Variants in RIPOR2 observed in about 807,000 individuals in gnomAD.
The protein encoded by RIPOR2 is rho family-interacting cell polarization regulator 2.
Under a neutral mutation model 114.5 loss-of-function variants are expected in RIPOR2, and 39 were observed. The observed-to-expected ratio is 0.34, with a 90% CI of 0.26 to 0.44. RIPOR2 has a LOEUF of 0.44. Ranked by LOEUF, RIPOR2 falls within the 20% of genes least tolerant of loss-of-function variation. The pLI is 1.00. For synonymous variants in RIPOR2, 445 were observed against 484.4 expected (o/e 0.92, Z 1.07); for missense variants, 1,007 against 1,255.1 (o/e 0.80, Z 2.99).
chr6:24,892,697 G>A (rs1426374542), intron 1 of RIPOR2, among the ~76,000 whole-genome samples: 2 of 152,136 alleles, frequency 1.3e-5, no homozygotes, highest in South Asian at 2.1e-4. Context: ...TCTCTGGAAA[G>A]ATTTTCACAG....
At chr6:24,910,750 C>T in intron 1 of RIPOR2, 12 of 926,844 alleles carry the variant, frequency 1.3e-5, no homozygotes, top group African/African-American at 1.8e-5. Flanking sequence ...CACCCCTCCC[C>T]ACACAGACCT....
chr6:24,840,840 A>T, intron 13 of RIPOR2: 1 of 1,469,096 alleles, frequency 6.8e-7, no homozygotes, highest in Non-Finnish European at 9.2e-7. Flanking sequence ...TTCTGGCTGG[A>T]TACAAAGCCA....
At chr6:24,808,054 C>T (rs1174319372) in intron 21 of RIPOR2, among the ~76,000 whole-genome samples, 2 of 152,074 alleles carry the variant, frequency 1.3e-5, no homozygotes, top group South Asian at 2.1e-4. Context: ...ACACTTAGAC[C>T]AATGAAAGCA....
chr6:24,991,205 T>C (rs956719933), intron 1 of RIPOR2, among the ~76,000 whole-genome samples: 1 of 152,174 alleles, frequency 6.6e-6, no homozygotes, highest in Non-Finnish European at 1.5e-5. Flanking sequence ...AGCTTCAGTG[T>C]TGAAGGCTGA....
intron 1 of RIPOR2, among the ~76,000 whole-genome samples, chr6:24,940,998 G>A (rs1425014047): frequency 6.6e-6 from 1 of 152,112 alleles, no homozygotes; most frequent in Non-Finnish European, 1.5e-5. Context: ...GTTGCAAAGA[G>A]GAGGTACCAA....
chr6:25,005,716 T>G (rs1191302464), intron 1 of RIPOR2, among the ~76,000 whole-genome samples: 2 of 102,228 alleles, frequency 2.0e-5, no homozygotes, highest in Admixed American at 9.9e-5. Context: ...TATATATATA[T>G]ATATATATAT....
chr6:24,839,217 C>G lies in RIPOR2; in HGVS notation c.1913G>C (p.Ser638Thr). 1 of 1,551,848 alleles carries G rather than the reference C, an allele frequency of 6.4e-7. No homozygotes were observed. The highest frequency in any genetic ancestry group is 8.7e-7 in the Non-Finnish European group (1 of 1,147,006). ...RSSSLSLTVESALESFDFLNT... is the reference protein window; with the variant it reads ...RSSSLSLTVETALESFDFLNT... ...CAGGAAATCAAAGCTTTCTAAAGCACTTTCAACTGTGAGACTTAAACTGGA... is the reference window on the plus strand; with the variant it reads ...CAGGAAATCAAAGCTTTCTAAAGCAGTTTCAACTGTGAGACTTAAACTGGA... Residue 638 changes from serine (S) to threonine (T), a missense_variant, in exon 14 of 22, where the codon AGT (serine) becomes ACT (threonine). Transcript: ENST00000643898.
Position 24,822,395 on chromosome 6 carries a change from C to T in RIPOR2, c.2868+2831G>A, listed in dbSNP as rs369108171. On this transcript the variant is annotated intron_variant, in intron 19 of 21. Transcript: ENST00000643898. The stretch of plus-strand genomic sequence containing the variant: ...GAGATGACTAGGTACTTGTTAGGTG[C>T]CAAGCTAACATGCTAGGTGATAGGG... 7.9e-5 allele frequency among the ~76,000 whole-genome samples: 12 copies of T among 152,228 alleles called. No homozygotes were observed. In the South Asian group the frequency reaches 2.5e-3, roughly 32 times the overall value.
rs10564019 is a variant in RIPOR2, at chr6:25,022,532, ATTTTTTTTTTTTT to A, written c.76+19306_76+19318del. ...ACATATAACTAATGTGGTACCTTCCATTTTTTTTTTTTTTTTTTTTTTTTTTTTTTTTTTTTAG... is the reference window on the plus strand; with the variant it reads ...ACATATAACTAATGTGGTACCTTCCATTTTTTTTTTTTTTTTTTTTTTTAG... On this transcript the variant is annotated intron_variant, in intron 1 of 13. Transcript: ENST00000510784. Among the ~76,000 whole-genome samples the A allele has an allele frequency of 3.3e-3, 134 of 40,990 alleles. 1 individual carries two copies. Among genetic ancestry groups the A allele is most frequent in the African/African-American group, 6.9e-3 (88 of 12,766 alleles). 26.9% of individuals were successfully genotyped at this position (40,990 alleles called of 152,430 possible).
chr6:24,854,100 CAG>C (rs1053641873), intron 8 of RIPOR2, among the ~76,000 whole-genome samples: 2 of 135,074 alleles, frequency 1.5e-5, no homozygotes, highest in Non-Finnish European at 3.1e-5. Flanking sequence ...GCCTGGGTAA[CAG>C]AGTGAGACTA....
intron 1 of RIPOR2, chr6:25,024,350 G>C (rs898911623): frequency 6.8e-5 from 97 of 1,430,942 alleles, no homozygotes; most frequent in Non-Finnish European, 8.6e-5. Context: ...TGGCTTCCTC[G>C]AAGTCTTCCT....
chr6:25,036,383 G>C (rs303030), intron 1 of RIPOR2, among the ~76,000 whole-genome samples: 1 of 149,030 alleles, frequency 6.7e-6, no homozygotes, highest in East Asian at 2.0e-4. Flanking sequence ...AGTTCAACGG[G>C]TTTTTGTTTT....
chr6:25,000,242 A>G (rs1049357223), intron 1 of RIPOR2, among the ~76,000 whole-genome samples: 2 of 152,126 alleles, frequency 1.3e-5, no homozygotes, highest in African/African-American at 4.8e-5. Context: ...TTCCTGACCA[A>G]TGAAGGTGTC....
At chr6:24,965,020 A>G (rs777566800) in intron 1 of RIPOR2, among the ~76,000 whole-genome samples, 27 of 151,972 alleles carry the variant, frequency 1.8e-4, no homozygotes, top group Admixed American at 7.9e-4. Flanking sequence ...AGTTCTTTAT[A>G]TATTTTGGAT....
chr6:24,848,052 C>A lies in RIPOR2; in HGVS notation c.1137G>T (p.Thr379=). The A allele has an allele frequency of 6.2e-7, 1 of 1,613,930 alleles. No individual in the cohort carries two copies. Among genetic ancestry groups the A allele is most frequent in the Non-Finnish European group, 8.5e-7 (1 of 1,179,854 alleles). ...MSMYSQGTPE[T]PTFKDHSFFS... is the part of the protein sequence containing the mutation. ...AGAAGGAGTGGTCTTTGAAGGTGGG[C>A]GTTTCCGGGGTACCCTGGCTGTACA... The change falls in exon 12 of 22, where the codon ACG becomes ACT. Residue 379 remains threonine (T), a synonymous_variant. Transcript: ENST00000643898.
At chr6:24,970,805 T>C (rs1376920681) in intron 1 of RIPOR2, among the ~76,000 whole-genome samples, 1 of 152,168 alleles carries the variant, frequency 6.6e-6, no homozygotes, top group Admixed American at 6.5e-5. Context: ...ATGTTGCCAT[T>C]GTGTAGTGGT....
chr6:24,827,344 G>T (rs564682700), intron 18 of RIPOR2, among the ~76,000 whole-genome samples: 1 of 152,284 alleles, frequency 6.6e-6, no homozygotes, highest in African/African-American at 2.4e-5. Context: ...TGACTGTGTT[G>T]TTGCAGGATT....
chr6:24,948,882 C>T (rs1772602801), intron 1 of RIPOR2, among the ~76,000 whole-genome samples: 1 of 152,126 alleles, frequency 6.6e-6, no homozygotes, highest in Non-Finnish European at 1.5e-5. Context: ...TTCAGGTTGA[C>T]CACAGGGAAA....
At chr6:25,040,359 G>C (rs1203824757) in intron 1 of RIPOR2, among the ~76,000 whole-genome samples, 1 of 151,904 alleles carries the variant, frequency 6.6e-6, no homozygotes, top group Non-Finnish European at 1.5e-5. Context: ...CAGGTGATCT[G>C]CCCAACTCGG....
Sources: allele counts gnomAD v4.1 joint callset (sites outside exome capture counted in the v4.1 genomes callset), GRCh38; gene constraint gnomAD v4.1.1; transcripts MANE v1.5; gene names NCBI Gene and HGNC (gene_info 2026-07-23, HGNC 2026-07-21).